PLCL2: variants seen among roughly 807,000 people sequenced by gnomAD.
PLCL2 encodes the protein phospholipase C like 2.
In PLCL2, 4 loss-of-function variants were observed where a neutral mutation model predicts 79.6. The observed-to-expected ratio is 0.05, with a 90% CI of 0.02 to 0.11. The LOEUF (loss-of-function observed/expected upper bound fraction) is 0.11, where lower values mean the gene tolerates loss of function less well. Ranked by LOEUF, PLCL2 falls within the 10% of genes least tolerant of loss-of-function variation. The pLI, the probability that PLCL2 is intolerant of heterozygous loss-of-function variation, is 1.00. For missense variants in PLCL2, 895 were observed against 1,291.0 expected, an observed-to-expected ratio of 0.69 and a Z score of 4.70; for synonymous variants, 484 against 457.7, an observed-to-expected ratio of 1.06 and a Z score of -0.73.
intron 1 of PLCL2, among the ~76,000 whole-genome samples, chr3:16,895,129 T>C (rs1184479953): frequency 1.4e-5 from 2 of 145,602 alleles, no homozygotes; most frequent in Non-Finnish European, 3.1e-5. Flanking sequence ...TGTTGAAACA[T>C]GTATCTATAT....
At chr3:17,064,551 G>A (rs2064988993) in intron 4 of PLCL2, among the ~76,000 whole-genome samples, 1 of 152,088 alleles carries the variant, frequency 6.6e-6, no homozygotes, top group Non-Finnish European at 1.5e-5. Context: ...TTTCGTCCTT[G>A]CCCTGGCGCT....
intron 4 of PLCL2, among the ~76,000 whole-genome samples, chr3:17,062,506 C>G (rs1487130951): frequency 6.6e-6 from 1 of 152,196 alleles, no homozygotes; most frequent in Non-Finnish European, 1.5e-5. Context: ...GTTCCTCCCC[C>G]TCTGTCTTTA....
intron 4 of PLCL2, chr3:17,043,961 A>G (rs2064755367): frequency 6.6e-6 from 1 of 152,230 alleles, no homozygotes; most frequent in African/African-American, 2.4e-5. Flanking sequence ...CACAATTTTT[A>G]TCTACAACAC....
chr3:16,900,320 A>G (rs1696587664), intron 1 of PLCL2, among the ~76,000 whole-genome samples: 1 of 152,248 alleles, frequency 6.6e-6, no homozygotes, highest in Admixed American at 6.5e-5. Flanking sequence ...TAAAAAGACA[A>G]TAAAAATTTT....
intron 1 of PLCL2, among the ~76,000 whole-genome samples, chr3:16,908,659 G>A (rs543523648): frequency 6.6e-6 from 1 of 152,296 alleles, no homozygotes; most frequent in Non-Finnish European, 1.5e-5. Flanking sequence ...GCCGGGACCC[G>A]TGAATGCACA....
chr3:17,047,545 A>G (rs2064793958), intron 4 of PLCL2, among the ~76,000 whole-genome samples: 1 of 152,258 alleles, frequency 6.6e-6, no homozygotes, highest in African/African-American at 2.4e-5. Flanking sequence ...TTCACTGAGT[A>G]AAGTGGGATC....
chr3:17,040,687 AG>A (rs1210366094), intron 3 of PLCL2, among the ~76,000 whole-genome samples: 5 of 152,154 alleles, frequency 3.3e-5, no homozygotes, highest in Non-Finnish European at 1.5e-5. Context: ...TTTTATGGGT[AG>A]GAAATTAGGG....
chr3:16,949,047 A>G (rs1305017063), intron 1 of PLCL2, among the ~76,000 whole-genome samples: 1 of 152,226 alleles, frequency 6.6e-6, no homozygotes, highest in East Asian at 1.9e-4. Flanking sequence ...ATGACAAATA[A>G]TATGTATATA....
At chr3:16,914,547 C>A (rs1696950253) in intron 1 of PLCL2, among the ~76,000 whole-genome samples, 1 of 149,098 alleles carries the variant, frequency 6.7e-6, no homozygotes, top group African/African-American at 2.5e-5. Context: ...CTTGGTGGTC[C>A]AATTTCATTG....
intron 1 of PLCL2, among the ~76,000 whole-genome samples, chr3:16,977,469 C>G (rs1182470064): frequency 6.6e-6 from 1 of 152,170 alleles, no homozygotes; most frequent in East Asian, 1.9e-4. Context: ...CAGTTCCTTC[C>G]TCTTTTAATC....
chr3:17,039,046 A>G (rs112456914), intron 3 of PLCL2, among the ~76,000 whole-genome samples: 14 of 152,366 alleles, frequency 9.2e-5, no homozygotes, highest in African/African-American at 3.1e-4. Flanking sequence ...TACTCACCTC[A>G]CATGGATAAT....
chr3:17,012,204 T>G (rs767792772), intron 2 of PLCL2, 44 bp downstream of exon 2: 2 of 1,533,062 alleles, frequency 1.3e-6, no homozygotes, highest in African/African-American at 2.8e-5. Flanking sequence ...TTTTCCTACT[T>G]TGTACATGTC....
intron 1 of PLCL2, among the ~76,000 whole-genome samples, chr3:16,977,587 G>A (rs185294299): frequency 6.6e-6 from 1 of 152,202 alleles, no homozygotes; most frequent in East Asian, 1.9e-4. Context: ...GACCACTTAG[G>A]TATTTCTTAT....
intron 1 of PLCL2, among the ~76,000 whole-genome samples, chr3:16,966,701 C>G (rs1343161425): frequency 6.6e-6 from 1 of 151,862 alleles, no homozygotes; most frequent in Non-Finnish European, 1.5e-5. Context: ...CAGAGCCTGT[C>G]ATTGGTCTAT....
rs904703077 is a variant in PLCL2 at position 17,090,035 on chromosome 3, G to A, written c.*123G>A. On this transcript the variant is annotated 3_prime_UTR_variant, in exon 6 of 6. Coordinates refer to ENST00000615277, the MANE Select transcript of PLCL2 (RefSeq NM_001144382.2). ...GGGATTTTAAAGCACAACTGGAATA[G>A]CTAATTACAGTCTATTAAAACTGTG... 7 of 1,416,678 alleles carry A rather than the reference G, an allele frequency of 4.9e-6. No homozygotes were observed. The African/African-American group carries it at 1.0e-4, about 20-fold the overall frequency. 87.8% of individuals were successfully genotyped at this position (1,416,678 alleles called of 1,614,324 possible).
chr3:16,902,440 CTA>C (rs1378658603), intron 1 of PLCL2, among the ~76,000 whole-genome samples: 1 of 152,178 alleles, frequency 6.6e-6, no homozygotes, highest in Non-Finnish European at 1.5e-5. Flanking sequence ...ATACATGCTG[CTA>C]TTAAAATTAA....
At chr3:17,014,134 G>A (rs936459484) in intron 2 of PLCL2, among the ~76,000 whole-genome samples, 2 of 152,182 alleles carry the variant, frequency 1.3e-5, no homozygotes, top group Non-Finnish European at 1.5e-5. Flanking sequence ...GGGATCAGCA[G>A]TGACACTAAT....
intron 1 of PLCL2, among the ~76,000 whole-genome samples, chr3:16,993,724 C>A (rs963895086): frequency 2.0e-5 from 3 of 152,172 alleles, no homozygotes; most frequent in African/African-American, 7.2e-5. Flanking sequence ...TATGTAAAAT[C>A]TAAGCATGAC....
At chr3:16,933,696 G>A (rs1322162386) in intron 1 of PLCL2, among the ~76,000 whole-genome samples, 1 of 151,220 alleles carries the variant, frequency 6.6e-6, no homozygotes, top group Admixed American at 6.6e-5. Context: ...TCTTATGGTT[G>A]TGTAGTATAC....
Sources: allele counts gnomAD v4.1 joint callset (sites outside exome capture counted in the v4.1 genomes callset), GRCh38; gene constraint gnomAD v4.1.1; transcripts MANE v1.5; gene names NCBI Gene and HGNC (gene_info 2026-07-23, HGNC 2026-07-21).